The following WWC1 variants were observed in gnomAD, a reference collection of about 807,000 sequenced individuals.
The protein encoded by WWC1 is WW and C2 domain containing 1, also known as protein KIBRA.
A neutral mutation model predicts 138.4 loss-of-function variants in WWC1; 55 were observed. That is an observed-to-expected ratio of 0.40 (90% CI 0.32 to 0.50). The LOEUF (loss-of-function observed/expected upper bound fraction) is 0.50. Ranked by LOEUF, WWC1 falls within the 20% of genes least tolerant of loss-of-function variation. WWC1 has a pLI of 0.72. For synonymous variants in WWC1, 524 were observed against 564.9 expected (o/e 0.93, Z 1.03); for missense variants, 1,226 against 1,420.4 (o/e 0.86, Z 2.20).
At chr5:168,347,647 A>G (rs543684429) in intron 1 of WWC1, among the ~76,000 whole-genome samples, 1 of 152,230 alleles carries the variant, frequency 6.6e-6, no homozygotes, top group South Asian at 2.1e-4. Flanking sequence ...CTCTTGGTGT[A>G]AGGGATGGCC....
intron 1 of WWC1, among the ~76,000 whole-genome samples, chr5:168,347,838 T>TCTAAACAGTCCTGATCGCTGCC (rs1774602902): frequency 6.6e-6 from 1 of 152,178 alleles, no homozygotes; most frequent in Non-Finnish European, 1.5e-5. Flanking sequence ...ACTGCAGTGC[T>TCTAAACAGTCCTGATCGCTGCC]CTAAACAGTC....
intron 1 of WWC1, among the ~76,000 whole-genome samples, chr5:168,293,014 C>T (rs1375402882): frequency 6.6e-6 from 1 of 152,166 alleles, no homozygotes; most frequent in Non-Finnish European, 1.5e-5. Flanking sequence ...TCTCTTTCTT[C>T]CCTGATCGGG....
intron 1 of WWC1, among the ~76,000 whole-genome samples, chr5:168,296,593 C>T (rs1236205014): frequency 6.6e-6 from 1 of 152,148 alleles, no homozygotes; most frequent in Non-Finnish European, 1.5e-5. Flanking sequence ...GGAAAGGCCT[C>T]CTGTTTAGCT....
In WWC1 at chr5:168,440,582, T is replaced by C. The variant is rs568696895; in HGVS notation, c.2281-1100T>C. Reference sequence around the variant, plus strand: ...CCCAGGCTGGAGTGCAATGGCACGATCTCATCTCACCTGCAACCTCCATCT... The same window carrying C: ...CCCAGGCTGGAGTGCAATGGCACGACCTCATCTCACCTGCAACCTCCATCT... On this transcript the variant is annotated intron_variant, in intron 15 of 22. Coordinates refer to ENST00000265293, the MANE Select transcript of WWC1 (RefSeq NM_015238.3). Among the ~76,000 whole-genome samples, 5 of 152,176 alleles carry C rather than the reference T, an allele frequency of 3.3e-5. No homozygotes were observed. In the South Asian group the frequency reaches 1.0e-3, roughly 32 times the overall value.
At chr5:168,341,460 C>A (rs1774029318) in intron 1 of WWC1, among the ~76,000 whole-genome samples, 1 of 152,126 alleles carries the variant, frequency 6.6e-6, no homozygotes. Flanking sequence ...ACACTGCTAA[C>A]TGAGAAAAAT....
In WWC1 at chr5:168,451,768, T is replaced by C. The variant is rs193082194; in HGVS notation, c.2526-2200T>C. Among the ~76,000 whole-genome samples the C allele has an allele frequency of 5.8e-3, 886 of 152,160 alleles. 5 individuals carry two copies. Among genetic ancestry groups the C allele is most frequent in the South Asian group, 7.9e-3 (38 of 4,814 alleles). ...AAATTAAAACCCAACAAGATGCAAG[T>C]ACACACCCAGTAGTAGAGTGACTAA... On this transcript the variant is annotated intron_variant, in intron 17 of 22. Transcript: ENST00000265293.
At chr5:168,331,249 G>C (rs2152767015) in intron 1 of WWC1, among the ~76,000 whole-genome samples, 1 of 152,306 alleles carries the variant, frequency 6.6e-6, no homozygotes, top group East Asian at 1.9e-4. Flanking sequence ...CATTCAGCAA[G>C]ATTCAAAACA....
chr5:168,354,191 T>C (rs1449872347), intron 1 of WWC1, among the ~76,000 whole-genome samples: 1 of 151,990 alleles, frequency 6.6e-6, no homozygotes, highest in Non-Finnish European at 1.5e-5. Flanking sequence ...CTTGGGATTA[T>C]AGGTGCCTGC....
intron 1 of WWC1, among the ~76,000 whole-genome samples, chr5:168,345,561 T>TA (rs1774397901): frequency 6.6e-6 from 1 of 152,240 alleles, no homozygotes; most frequent in Non-Finnish European, 1.5e-5. Context: ...TCTTTTAGAA[T>TA]ATTAGTGATT....
chr5:168,376,127 C>T (rs1412335375), intron 2 of WWC1, among the ~76,000 whole-genome samples: 2 of 151,510 alleles, frequency 1.3e-5, no homozygotes, highest in African/African-American at 2.4e-5. Context: ...GATCTTGGCT[C>T]ACTGCAACCT....
At chr5:168,362,472 G>A (rs1775953675) in intron 1 of WWC1, among the ~76,000 whole-genome samples, 1 of 152,214 alleles carries the variant, frequency 6.6e-6, no homozygotes. Context: ...AGGCAGGAGT[G>A]ACACATTAGA....
chr5:168,466,736 A>G (rs1757328716), intron 21 of WWC1, among the ~76,000 whole-genome samples: 1 of 152,214 alleles, frequency 6.6e-6, no homozygotes, highest in South Asian at 2.1e-4. Context: ...AATCTAAAGT[A>G]GCCTAATTAT....
chr5:168,355,350 C>T (rs1319183637), intron 1 of WWC1, among the ~76,000 whole-genome samples: 7 of 151,892 alleles, frequency 4.6e-5, no homozygotes, highest in African/African-American at 9.7e-5. Flanking sequence ...AAAAATTAGC[C>T]GGGCATGGTG....
At chr5:168,294,711 T>C (rs765563785) in intron 1 of WWC1, among the ~76,000 whole-genome samples, 18 of 152,158 alleles carry the variant, frequency 1.2e-4, no homozygotes, top group Non-Finnish European at 2.4e-4. Flanking sequence ...ACTGCAAGTC[T>C]GCCTCCTGGG....
chr5:168,400,019 A>C (rs1779192564), intron 5 of WWC1, among the ~76,000 whole-genome samples: 1 of 152,188 alleles, frequency 6.6e-6, no homozygotes, highest in South Asian at 2.1e-4. Context: ...CTTCTAGCAA[A>C]AACCAATTAC....
intron 2 of WWC1, among the ~76,000 whole-genome samples, chr5:168,381,756 CT>C (rs566178060): frequency 0.025 from 2,862 of 114,218 alleles, 72 homozygotes; most frequent in African/African-American, 0.078. Flanking sequence ...GGGGTTCAGG[CT>C]TTTTTTTTTT....
At chr5:168,401,772 G>A (rs916493766) in intron 5 of WWC1, among the ~76,000 whole-genome samples, 2 of 152,018 alleles carry the variant, frequency 1.3e-5, no homozygotes, top group Non-Finnish European at 2.9e-5. Flanking sequence ...CTCTCAAACC[G>A]GATTCTGAAC....
intron 19 of WWC1, among the ~76,000 whole-genome samples, chr5:168,456,569 G>A (rs150551722): frequency 2.0e-5 from 3 of 152,290 alleles, no homozygotes; most frequent in East Asian, 3.9e-4. Flanking sequence ...GGCAGAGGTT[G>A]CAGTAAGCTG....
chr5:168,467,658 C>T, intron 21 of WWC1, 182 bp from the exon 22 acceptor site: 1 of 877,144 alleles, frequency 1.1e-6, no homozygotes, highest in Non-Finnish European at 1.7e-6. Context: ...CCCCAAAAAT[C>T]TAGTCACTCA....
Sources: gnomAD v4.1 joint callset for allele counts (sites outside exome capture counted in the v4.1 genomes callset) on GRCh38, gnomAD v4.1.1 for gene constraint, MANE v1.5 for transcripts, NCBI Gene and HGNC (gene_info 2026-07-23, HGNC 2026-07-21) for gene names.